Variants in GBE1 observed in about 807,000 individuals in gnomAD.
GBE1 encodes 1,4-alpha-glucan branching enzyme 1, also known as 1,4-alpha-glucan-branching enzyme.
GBE1 carries 70 observed loss-of-function variants against 88.8 expected under a neutral mutation model. That is an observed-to-expected ratio of 0.79 (90% CI 0.65 to 0.96). The LOEUF (loss-of-function observed/expected upper bound fraction) is 0.96, where lower values mean the gene tolerates loss of function less well. GBE1 is among the 40% of genes least tolerant of loss of function. The probability of loss-of-function intolerance (pLI) is 0.00; values close to 1 mark genes in which losing one functional copy is unlikely to be tolerated. For missense variants in GBE1, 872 were observed against 871.0 expected (o/e 1.00, Z -0.01); for synonymous variants, 284 against 300.1 (o/e 0.95, Z 0.56).
At chr3:81,717,359 G>C (rs1338516974) in intron 1 of GBE1, among the ~76,000 whole-genome samples, 1 of 152,174 alleles carries the variant, frequency 6.6e-6, no homozygotes, top group Non-Finnish European at 1.5e-5. Context: ...GACCACATCT[G>C]CACAGTAGTA....
At chr3:81,668,217 G>T (rs985837072) in intron 3 of GBE1, among the ~76,000 whole-genome samples, 1 of 152,076 alleles carries the variant, frequency 6.6e-6, no homozygotes, top group African/African-American at 2.4e-5. Context: ...CCTGTTGTGG[G>T]GTGGGGGTGA....
chr3:81,644,617 C>T (rs561700262), intron 6 of GBE1, among the ~76,000 whole-genome samples: 16 of 152,226 alleles, frequency 1.1e-4, no homozygotes, highest in Non-Finnish European at 1.9e-4. Flanking sequence ...GGATTCATTA[C>T]GGTTCTGGGC....
chr3:81,751,416 G>A (rs1441870914), intron 1 of GBE1, among the ~76,000 whole-genome samples: 2 of 152,232 alleles, frequency 1.3e-5, no homozygotes, highest in Non-Finnish European at 2.9e-5. Flanking sequence ...TGAAAGCCTT[G>A]ATGATCCAGG....
At chr3:81,520,206 G>GT (rs1349441302) in intron 14 of GBE1, among the ~76,000 whole-genome samples, 4 of 151,494 alleles carry the variant, frequency 2.6e-5, no homozygotes, top group Admixed American at 6.6e-5. Context: ...CAGATACTGT[G>GT]TTTTTTTCAA....
rs146979532 is a variant in GBE1, at chr3:81,506,279, T to C, written c.1935-7052A>G. Among the ~76,000 whole-genome samples, 735 of 152,058 alleles carry C rather than the reference T, an allele frequency of 4.8e-3. 7 individuals are homozygous for C. The highest frequency in any genetic ancestry group is 0.017 in the African/African-American group (700 of 41,462). Reference sequence around the variant, plus strand: ...AACAGACACTTTTCAAAAGAAGATATACAAGCAGCCAACAATCATACGAAA... The same window carrying C: ...AACAGACACTTTTCAAAAGAAGATACACAAGCAGCCAACAATCATACGAAA... On this transcript the variant is annotated intron_variant, in intron 14 of 15. Coordinates refer to ENST00000429644, the MANE Select transcript of GBE1 (RefSeq NM_000158.4).
chr3:81,649,770 T>C, intron 4 of GBE1, 26 bp downstream of exon 4: 2 of 1,560,360 alleles, frequency 1.3e-6, no homozygotes, highest in East Asian at 2.3e-5. Context: ...GGAACAATAA[T>C]TTATTTAAAG....
At chr3:81,747,706 G>C (rs187297699) in intron 1 of GBE1, among the ~76,000 whole-genome samples, 92 of 152,230 alleles carry the variant, frequency 6.0e-4, no homozygotes, top group Admixed American at 1.2e-3. Context: ...ATTTGTTCCT[G>C]GCCCACCTTA....
chr3:81,678,435 TA>T (rs1423926264), intron 2 of GBE1, among the ~76,000 whole-genome samples: 12 of 152,154 alleles, frequency 7.9e-5, no homozygotes, highest in Admixed American at 2.0e-4. Flanking sequence ...TGGTTTTAAA[TA>T]AAAGTATGTG....
chr3:81,537,198 T>C, intron 12 of GBE1, 103 bp from the exon 13 acceptor site: 1 of 800,612 alleles, frequency 1.2e-6, no homozygotes, highest in Non-Finnish European at 1.8e-6. Context: ...AAATTTAGTT[T>C]AGGCTATCAT....
intron 12 of GBE1, among the ~76,000 whole-genome samples, chr3:81,553,040 T>G (rs1703294196): frequency 1.3e-5 from 2 of 152,224 alleles, no homozygotes; most frequent in African/African-American, 4.8e-5. Flanking sequence ...TTTCATTGTA[T>G]CTGGCACTAA....
chr3:81,661,304 T>G (rs1308684385), intron 3 of GBE1, among the ~76,000 whole-genome samples: 1 of 152,182 alleles, frequency 6.6e-6, no homozygotes, highest in African/African-American at 2.4e-5. Flanking sequence ...TTAAAATATC[T>G]ATGGAATCAA....
At chr3:81,686,621 T>C (rs1411612016) in intron 2 of GBE1, among the ~76,000 whole-genome samples, 1 of 152,056 alleles carries the variant, frequency 6.6e-6, no homozygotes, top group Non-Finnish European at 1.5e-5. Context: ...CCGTGTATGG[T>C]GGCGTATGCC....
intron 3 of GBE1, among the ~76,000 whole-genome samples, chr3:81,652,410 T>C (rs1401442307): frequency 6.6e-6 from 1 of 152,248 alleles, no homozygotes; most frequent in Admixed American, 6.5e-5. Flanking sequence ...ATTTGCTCAT[T>C]CACTGAATAA....
At chr3:81,510,529 G>C (rs1379159198) in intron 14 of GBE1, among the ~76,000 whole-genome samples, 1 of 152,012 alleles carries the variant, frequency 6.6e-6, no homozygotes, top group Non-Finnish European at 1.5e-5. Context: ...AGTCTTTCCT[G>C]AGCACTTCTG....
intron 7 of GBE1, among the ~76,000 whole-genome samples, chr3:81,596,119 G>C (rs536760689): frequency 6.6e-6 from 1 of 151,946 alleles, no homozygotes; most frequent in African/African-American, 2.4e-5. Flanking sequence ...AATTTTATGA[G>C]AGTAAACTAT....
chr3:81,684,754 T>C (rs1261046198), intron 2 of GBE1, among the ~76,000 whole-genome samples: 1 of 152,148 alleles, frequency 6.6e-6, no homozygotes, highest in African/African-American at 2.4e-5. Flanking sequence ...TCTATGGAAT[T>C]TTTTTTTCAT....
At chr3:81,740,652 T>C (rs1706334733) in intron 1 of GBE1, among the ~76,000 whole-genome samples, 1 of 152,110 alleles carries the variant, frequency 6.6e-6, no homozygotes. Context: ...GATTTTGCTG[T>C]CTTTCTCCAA....
intron 1 of GBE1, among the ~76,000 whole-genome samples, chr3:81,735,104 G>C (rs879097425): frequency 2.6e-5 from 4 of 152,082 alleles, no homozygotes; most frequent in Non-Finnish European, 5.9e-5. Context: ...TGCAGTTTCA[G>C]GCATCCACTT....
chr3:81,543,314 A>G (rs1703165984), intron 12 of GBE1, among the ~76,000 whole-genome samples: 1 of 152,148 alleles, frequency 6.6e-6, no homozygotes, highest in South Asian at 2.1e-4. Flanking sequence ...GATTGTAGAC[A>G]AAACATTCTA....
Sources: allele counts gnomAD v4.1 joint callset (sites outside exome capture counted in the v4.1 genomes callset), GRCh38; gene constraint gnomAD v4.1.1; transcripts MANE v1.5; gene names NCBI Gene and HGNC (gene_info 2026-07-23, HGNC 2026-07-21).